The following PSMG4 variants were observed in gnomAD, a reference collection of about 807,000 sequenced individuals.
PSMG4 encodes proteasome (prosome, macropain) assembly chaperone 4.
PSMG4 carries 10 observed loss-of-function variants against 11.0 expected under a neutral mutation model. The observed-to-expected ratio is 0.91, with a 90% CI of 0.56 to 1.54. The LOEUF is 1.54. PSMG4 is among the 40% of genes most tolerant of loss of function. PSMG4 has a pLI of 0.00. For missense variants in PSMG4, 198 were observed against 160.9 expected (o/e 1.23, Z -1.25); for synonymous variants, 95 against 71.3 (o/e 1.33, Z -1.68).
intron 2 of PSMG4, chr6:3,266,700 A>C (rs1324255189): frequency 6.6e-6 from 1 of 150,526 alleles, no homozygotes; most frequent in Admixed American, 6.7e-5. Flanking sequence ...ATTCAGTAGA[A>C]AATTACGTGT....
upstream of PSMG4, among the ~76,000 whole-genome samples, chr6:3,256,379 C>T (rs933579427): frequency 6.6e-6 from 1 of 152,186 alleles, no homozygotes; most frequent in Non-Finnish European, 1.5e-5. Context: ...TTTTCTGTTC[C>T]TGTATGGATG....
chr6:3,256,058 T>G, upstream of PSMG4, among the ~76,000 whole-genome samples: 1 of 152,278 alleles, frequency 6.6e-6, no homozygotes, highest in South Asian at 2.1e-4. Context: ...CTTGACTGAA[T>G]TAAATAGCAA....
At chr6:3,265,595 G>A (rs539330591) in intron 2 of PSMG4, 2 of 152,380 alleles carry the variant, frequency 1.3e-5, no homozygotes, top group Non-Finnish European at 2.9e-5. Context: ...AGGGCAGGGT[G>A]TGACTTACAG....
intron 1 of PSMG4, 70 bp from the exon 2 acceptor site, chr6:3,263,614 C>T (rs915172924): frequency 2.2e-5 from 29 of 1,323,750 alleles, no homozygotes; most frequent in African/African-American, 3.0e-5. Context: ...ATCAGAAGCC[C>T]GGAAGCCAGA....
At chr6:3,263,640 C>CG (rs1322015837) in intron 1 of PSMG4, 44 bp from the exon 2 acceptor site, 296 of 1,460,032 alleles carry the variant, frequency 2.0e-4, no homozygotes, top group Non-Finnish European at 2.7e-4. Context: ...GGCTGGCCTG[C>CG]GGGGGGTGGA....
chr6:3,260,640 C>A (rs185733665), intron 1 of PSMG4, among the ~76,000 whole-genome samples: 3 of 152,164 alleles, frequency 2.0e-5, no homozygotes, highest in African/African-American at 7.2e-5. Context: ...CGCGCCTGGT[C>A]TAAATTACAT....
chr6:3,265,293 A>G (rs916662361), intron 2 of PSMG4: 1 of 149,418 alleles, frequency 6.7e-6, no homozygotes, highest in Non-Finnish European at 1.5e-5. Flanking sequence ...AAAATGCACT[A>G]TAATGAAAAG....
chr6:3,254,490 T>G (rs539579382), upstream of PSMG4, among the ~76,000 whole-genome samples: 9 of 152,048 alleles, frequency 5.9e-5, no homozygotes, highest in Non-Finnish European at 1.0e-4. Context: ...TTGTTGCTGG[T>G]GGTTTTTTGT....
At chr6:3,255,354 T>C, upstream of PSMG4, 1 of 1,441,122 alleles carries the variant, frequency 6.9e-7, no homozygotes, top group Non-Finnish European at 9.2e-7. Flanking sequence ...TGTAGTTGCT[T>C]AATTTTTCCT....
intron 1 of PSMG4, among the ~76,000 whole-genome samples, chr6:3,259,841 C>T (rs1390547837): frequency 6.6e-6 from 1 of 152,232 alleles, no homozygotes; most frequent in Non-Finnish European, 1.5e-5. Context: ...CCCTCCTCTC[C>T]CGCCTTTCCG....
intron 1 of PSMG4, among the ~76,000 whole-genome samples, chr6:3,261,677 C>T (rs1048280578): frequency 6.6e-6 from 1 of 152,182 alleles, no homozygotes; most frequent in Non-Finnish European, 1.5e-5. Flanking sequence ...GGGCAGAGAG[C>T]CGAGCCAGCT....
At position 3,259,174 on chromosome 6, in the gene PSMG4, C is replaced by T; in HGVS notation, c.152C>T (p.Ala51Val). 4.6e-6 allele frequency: 6 copies of T among 1,310,354 alleles called. No individual in the cohort carries two copies. The highest frequency in any genetic ancestry group is 5.8e-6 in the Non-Finnish European group (6 of 1,030,598). 81.2% of individuals were successfully genotyped at this position (1,310,354 alleles called of 1,614,324 possible). Reference sequence around the variant, plus strand: ...GCCACGCCGCACCTGCGCAACCTCGCCGTGGCCATGTGCAGCCGCTACGTG... The same window carrying T: ...GCCACGCCGCACCTGCGCAACCTCGTCGTGGCCATGTGCAGCCGCTACGTG... ...VGATPHLRNL[A>V]VAMCSRYDSI... Residue 51 changes from alanine to valine, a missense_variant, in exon 1 of 3, where the codon GCC becomes GTC. Transcript: ENST00000438998.
At chr6:3,255,069 T>A (rs1201269379), upstream of PSMG4, 1 of 1,550,998 alleles carries the variant, frequency 6.4e-7, no homozygotes, top group Admixed American at 2.0e-5. Flanking sequence ...ACACTTGGAA[T>A]ATGCTTCTAT....
chr6:3,255,218 A>C, upstream of PSMG4: 1 of 1,550,046 alleles, frequency 6.5e-7, no homozygotes, highest in Non-Finnish European at 8.7e-7. Flanking sequence ...AGCAGGAGCA[A>C]AATCAACTCT....
chr6:3,266,208 GGCCTGC>G (rs1055328010), intron 2 of PSMG4: 12 of 151,782 alleles, frequency 7.9e-5, no homozygotes, highest in African/African-American at 2.7e-4. Context: ...GTGGGGCCTG[GGCCTGC>G]GCCTGCACCT....
chr6:3,261,814 G>A (rs1758002029), intron 1 of PSMG4, among the ~76,000 whole-genome samples: 1 of 152,200 alleles, frequency 6.6e-6, no homozygotes, highest in Non-Finnish European at 1.5e-5. Flanking sequence ...GTCCATGCAG[G>A]TAGACTCTGT....
At chr6:3,257,845 G>A (rs547373762), upstream of PSMG4, among the ~76,000 whole-genome samples, 2 of 152,302 alleles carry the variant, frequency 1.3e-5, no homozygotes, top group South Asian at 2.1e-4. Flanking sequence ...CACTATATAT[G>A]TGCAGTTATT....
chr6:3,258,774 G>C (rs988703817), upstream of PSMG4: 16 of 358,258 alleles, frequency 4.5e-5, no homozygotes, highest in African/African-American at 3.4e-4. Context: ...AGGTACTGGT[G>C]TGCGGGAGAG....
upstream of PSMG4, among the ~76,000 whole-genome samples, chr6:3,255,454 C>A (rs1404858926): frequency 1.3e-5 from 1 of 79,024 alleles, no homozygotes; most frequent in Non-Finnish European, 4.7e-5. Context: ...CAGACCACCA[C>A]CTCTTTTATC....
Sources: allele counts gnomAD v4.1 joint callset (sites outside exome capture counted in the v4.1 genomes callset), GRCh38; gene constraint gnomAD v4.1.1; transcripts MANE v1.5; gene names NCBI Gene and HGNC (gene_info 2026-07-23, HGNC 2026-07-21).